Variants in LHFPL2 observed in about 807,000 individuals in gnomAD.
LHFPL2 encodes LHFPL tetraspan subfamily member 2.
A neutral mutation model predicts 17.5 loss-of-function variants in LHFPL2; 7 were observed. That is an observed-to-expected ratio of 0.40 (90% CI 0.23 to 0.75). The LOEUF is 0.75. Among genes scored for constraint, LHFPL2 ranks in the 30% least tolerant of loss-of-function variants. The pLI, the probability that LHFPL2 is intolerant of heterozygous loss-of-function variation, is 0.37. For missense variants in LHFPL2, 241 were observed against 294.8 expected (o/e 0.82, Z 1.34); for synonymous variants, 134 against 116.2 (o/e 1.15, Z -0.99).
chr5:78,544,018 C>T (rs1387853836), intron 3 of LHFPL2, among the ~76,000 whole-genome samples: 2 of 152,322 alleles, frequency 1.3e-5, no homozygotes, highest in Admixed American at 6.5e-5. Context: ...CTGGCAAGCA[C>T]TCTTCCCTGG....
chr5:78,647,474 G>T (rs573462869), intron 1 of LHFPL2, among the ~76,000 whole-genome samples: 9 of 152,240 alleles, frequency 5.9e-5, no homozygotes, highest in African/African-American at 1.9e-4. Flanking sequence ...CTGGCTCGCC[G>T]GAATCTTTCC....
chr5:78,534,366 C>T (rs1311984586), intron 3 of LHFPL2, among the ~76,000 whole-genome samples: 2 of 152,166 alleles, frequency 1.3e-5, no homozygotes, highest in Non-Finnish European at 2.9e-5. Flanking sequence ...TGCCTCCAGC[C>T]GTGTGTCCTC....
At position 78,589,424 on chromosome 5, in the gene LHFPL2, C is replaced by T. The variant is rs141707743; in HGVS notation, c.-244-24553G>A. Among the ~76,000 whole-genome samples, 728 of 149,584 alleles carry T rather than the reference C, an allele frequency of 4.9e-3. 7 individuals carry two copies. Among genetic ancestry groups the T allele is most frequent in the African/African-American group, 0.017 (679 of 40,422 alleles). On this transcript the variant is annotated intron_variant, in intron 2 of 4. Transcript: ENST00000380345. ...GGCAGAGGCTGCAATGAGCCGAGAT[C>T]GCACCACTGCACTCCAGTCTGGCAA... is the stretch of plus-strand genomic sequence containing the variant.
chr5:78,562,600 A>C (rs999086180), intron 3 of LHFPL2, among the ~76,000 whole-genome samples: 1 of 149,234 alleles, frequency 6.7e-6, no homozygotes, highest in Admixed American at 6.8e-5. Context: ...ATGTCACTGC[A>C]CTCCAGCCTG....
chr5:78,521,864 T>A (rs1755467985), intron 3 of LHFPL2, among the ~76,000 whole-genome samples: 1 of 152,196 alleles, frequency 6.6e-6, no homozygotes, highest in South Asian at 2.1e-4. Context: ...CTTTGTGATA[T>A]GGGCAGGAAT....
chr5:78,501,774 T>G (rs1287547401), intron 4 of LHFPL2, among the ~76,000 whole-genome samples: 1 of 152,184 alleles, frequency 6.6e-6, no homozygotes, highest in East Asian at 1.9e-4. Context: ...AGGCTTAACG[T>G]CGACATTTAG....
In LHFPL2 at chr5:78,489,024, G is replaced by T; in HGVS notation, c.560C>A (p.Thr187Asn). 1 of 1,614,200 alleles carries T rather than the reference G, an allele frequency of 6.2e-7. No homozygotes were observed. The highest frequency in any genetic ancestry group is 8.5e-7 in the Non-Finnish European group (1 of 1,180,034). ...AGTGAGGACTGTGCCCCCAATGGCGGTATAAAAGGCCCAGCCCAAGGAGCA... is the reference window on the plus strand; with the variant it reads ...AGTGAGGACTGTGCCCCCAATGGCGTTATAAAAGGCCCAGCCCAAGGAGCA... ...GDCSLGWAFY[T>N]AIGGTVLTFI... The change falls in exon 5 of 5, where the codon ACC becomes AAC. Residue 187 changes from threonine to asparagine, a missense_variant. Coordinates refer to ENST00000380345, the MANE Select transcript of LHFPL2 (RefSeq NM_005779.3).
intron 2 of LHFPL2, among the ~76,000 whole-genome samples, chr5:78,617,242 C>A (rs1459873478): frequency 6.6e-6 from 1 of 151,998 alleles, no homozygotes; most frequent in Non-Finnish European, 1.5e-5. Context: ...GTTGGCCAGG[C>A]TGGTCTCAAA....
intron 2 of LHFPL2, among the ~76,000 whole-genome samples, chr5:78,583,445 G>A (rs1464959647): frequency 0.019 from 2,841 of 148,432 alleles, 43 homozygotes; most frequent in African/African-American, 0.047. Flanking sequence ...CATGTTTAGC[G>A]CTTCCTTCAG....
intron 3 of LHFPL2, among the ~76,000 whole-genome samples, chr5:78,542,707 C>G (rs562184493): frequency 3.4e-4 from 52 of 152,164 alleles, no homozygotes; most frequent in Non-Finnish European, 5.7e-4. Context: ...TGGTCTCTAT[C>G]TGGGCCACTT....
At chr5:78,594,681 C>T (rs1049219015) in intron 2 of LHFPL2, among the ~76,000 whole-genome samples, 2 of 152,088 alleles carry the variant, frequency 1.3e-5, no homozygotes, top group South Asian at 4.1e-4. Context: ...GGGATAAGAA[C>T]CAAGACACAA....
chr5:78,510,063 C>T lies in LHFPL2; in HGVS notation c.151G>A (p.Gly51Arg), dbSNP rs753719573. 2 of 1,609,944 alleles carry T rather than the reference C, an allele frequency of 1.2e-6. No individual in the cohort carries two copies. Among genetic ancestry groups the T allele is most frequent in the Admixed American group, 1.7e-5 (1 of 59,626 alleles). The change falls in exon 4 of 5, where the codon GGG becomes AGG. Residue 51 changes from glycine (G) to arginine (R), a missense_variant. Physicochemically the swap from Gly to Arg is moderately radical, Grantham distance 125. Transcript: ENST00000380345. ...GGGTGGTAGGGCTCCGGGGAGCCCC[C>T]GCCCGGGCCCGCCGGCTCCACGCCG... is the stretch of plus-strand genomic sequence containing the variant. ...RGGVEPAGPG[G>R]GSPEPYHPTL...
chr5:78,578,801 C>T (rs1187020010), intron 2 of LHFPL2, among the ~76,000 whole-genome samples: 1 of 152,238 alleles, frequency 6.6e-6, no homozygotes, highest in East Asian at 1.9e-4. Flanking sequence ...TTCCACTCTA[C>T]TCCATCTCTA....
At chr5:78,531,346 C>G (rs1005642956) in intron 3 of LHFPL2, among the ~76,000 whole-genome samples, 1 of 146,066 alleles carries the variant, frequency 6.8e-6, no homozygotes, top group Admixed American at 7.2e-5. Context: ...ATCCACGAGG[C>G]AGAGGTTGTG....
At chr5:78,533,062 T>C (rs989879981) in intron 3 of LHFPL2, among the ~76,000 whole-genome samples, 5 of 152,160 alleles carry the variant, frequency 3.3e-5, no homozygotes, top group Admixed American at 2.6e-4. Flanking sequence ...CTCACAGCCT[T>C]ACCGATGTGG....
intron 2 of LHFPL2, among the ~76,000 whole-genome samples, chr5:78,576,253 C>T (rs1447967144): frequency 1.3e-5 from 2 of 151,558 alleles, no homozygotes; most frequent in East Asian, 3.9e-4. Context: ...CGAGATCGCG[C>T]CACTGCACTC....
chr5:78,547,650 G>A (rs1485467226), intron 3 of LHFPL2, among the ~76,000 whole-genome samples: 2 of 152,174 alleles, frequency 1.3e-5, no homozygotes, highest in African/African-American at 4.8e-5. Context: ...CCACACGTAT[G>A]AAATATTAAC....
intron 2 of LHFPL2, among the ~76,000 whole-genome samples, chr5:78,614,867 G>C (rs1294888568): frequency 1.3e-5 from 2 of 152,198 alleles, no homozygotes; most frequent in African/African-American, 4.8e-5. Context: ...TTACAGATGA[G>C]GAACTGAAGC....
intron 4 of LHFPL2, chr5:78,494,521 T>C (rs1311151470): frequency 2.0e-6 from 2 of 985,282 alleles, no homozygotes; most frequent in African/African-American, 1.7e-5. Context: ...GATCACATGA[T>C]TCAACCTTAT....
Sources: gnomAD v4.1 joint callset for allele counts (sites outside exome capture counted in the v4.1 genomes callset) on GRCh38, gnomAD v4.1.1 for gene constraint, MANE v1.5 for transcripts, NCBI Gene and HGNC (gene_info 2026-07-23, HGNC 2026-07-21) for gene names.